The following PLCL2 variants were observed in gnomAD, a reference collection of about 807,000 sequenced individuals.
The protein encoded by PLCL2 is phospholipase C like 2, also known as inactive phospholipase C-like protein 2.
In PLCL2, 4 loss-of-function variants were observed where a neutral mutation model predicts 79.6. The observed-to-expected ratio is 0.05, with a 90% CI of 0.02 to 0.11. The LOEUF (loss-of-function observed/expected upper bound fraction) is 0.11. PLCL2 is among the 10% of genes least tolerant of loss of function. The pLI is 1.00. For synonymous variants in PLCL2, 484 were observed against 457.7 expected (o/e 1.06, Z -0.73); for missense variants, 895 against 1,291.0 (o/e 0.69, Z 4.70).
chr3:17,005,224 G>A (rs1172901356), intron 1 of PLCL2, among the ~76,000 whole-genome samples: 1 of 152,070 alleles, frequency 6.6e-6, no homozygotes, highest in African/African-American at 2.4e-5. Flanking sequence ...CTTCCAGCAG[G>A]GCATTAACTA....
In PLCL2 at chr3:17,041,739, G is replaced by A. The variant is rs572816413; in HGVS notation, c.3019-1135G>A. 1.4e-3 allele frequency among the ~76,000 whole-genome samples: 212 copies of A among 152,174 alleles called. 1 individual carries two copies. The highest frequency in any genetic ancestry group is 5.0e-3 in the African/African-American group (206 of 41,530). ...GGGAAGATCACTTGAGCCTAGGAGT[G>A]TAAGACCAGCCTGGGCAACATAGCA... is the stretch of plus-strand genomic sequence containing the variant. On this transcript the variant is annotated intron_variant, in intron 3 of 5. Transcript: ENST00000615277.
At chr3:17,061,101 A>AAC (rs2064948182) in intron 4 of PLCL2, among the ~76,000 whole-genome samples, 1 of 152,286 alleles carries the variant, frequency 6.6e-6, no homozygotes, top group East Asian at 1.9e-4. Context: ...TACATGCTAT[A>AAC]TTTTATTTTC....
rs187154700 is a variant in PLCL2 at position 16,898,676 on chromosome 3, G to A, written c.327+13310G>A. On this transcript the variant is annotated intron_variant, in intron 1 of 5. Coordinates refer to ENST00000615277, the MANE Select transcript of PLCL2 (RefSeq NM_001144382.2). ...GCCAGACAGTAAAGTAAGACAAGGT[G>A]GAGGATGGCTTAGAAGATACCACCA... Among the ~76,000 whole-genome samples the A allele has an allele frequency of 1.2e-3, 186 of 152,334 alleles. 4 individuals carry two copies. Among genetic ancestry groups the A allele is most frequent in the Admixed American group, 0.011 (162 of 15,306 alleles).
intron 1 of PLCL2, among the ~76,000 whole-genome samples, chr3:16,908,423 G>A (rs1196190877): frequency 6.6e-6 from 1 of 152,222 alleles, no homozygotes; most frequent in African/African-American, 2.4e-5. Context: ...TTAGGGTCCA[G>A]TTAAGATCCC....
intron 1 of PLCL2, among the ~76,000 whole-genome samples, chr3:16,926,108 A>G (rs986418167): frequency 6.6e-6 from 1 of 152,022 alleles, no homozygotes; most frequent in Non-Finnish European, 1.5e-5. Flanking sequence ...TAAAATTATT[A>G]TTTTTTTTGA....
chr3:16,894,801 T>G (rs1275888139), intron 1 of PLCL2, among the ~76,000 whole-genome samples: 1 of 152,104 alleles, frequency 6.6e-6, no homozygotes, highest in Admixed American at 6.5e-5. Context: ...AGTCAGGTTG[T>G]TTTTATTTTN....
chr3:16,963,885 C>T (rs1414163042), intron 1 of PLCL2, among the ~76,000 whole-genome samples: 1 of 151,994 alleles, frequency 6.6e-6, no homozygotes, highest in Non-Finnish European at 1.5e-5. Context: ...AACTACTGAG[C>T]ACAGGCAGGA....
intron 3 of PLCL2, among the ~76,000 whole-genome samples, chr3:17,036,497 C>T (rs554274172): frequency 5.3e-5 from 8 of 152,240 alleles, no homozygotes; most frequent in South Asian, 4.1e-4. Context: ...ATTCTTCACC[C>T]GCACAGTAAT....
intron 1 of PLCL2, among the ~76,000 whole-genome samples, chr3:16,943,094 C>G (rs1042469478): frequency 6.6e-6 from 1 of 152,160 alleles, no homozygotes; most frequent in African/African-American, 2.4e-5. Context: ...CCTTATCTGC[C>G]TCCTCCTTTT....
At chr3:16,982,658 GC>G (rs1433400347) in intron 1 of PLCL2, among the ~76,000 whole-genome samples, 1 of 152,154 alleles carries the variant, frequency 6.6e-6, no homozygotes, top group Non-Finnish European at 1.5e-5. Flanking sequence ...TTCCTTAAGA[GC>G]CCCTTAACAC....
chr3:16,885,288 G>A lies in PLCL2; in HGVS notation c.249G>A (p.Pro83=). Reference sequence around the variant, plus strand: ...GACCCCGCGGCGTTGCGCTCGCCCCGACCCCCAGCGCGGTCGTCTGTACCC... The same window carrying A: ...GACCCCGCGGCGTTGCGCTCGCCCCAACCCCCAGCGCGGTCGTCTGTACCC... The part of the protein sequence containing the change: ...TRGPRGVALA[P]TPSAVVCTLP... Residue 83 remains proline, a synonymous_variant, in exon 1 of 6, where the codon CCG becomes CCA. Transcript: ENST00000615277. The A allele has an allele frequency of 7.6e-6, 5 of 659,248 alleles. 1 individual carries two copies. The highest frequency in any genetic ancestry group is 3.1e-5 in the South Asian group (2 of 63,580). 40.8% of individuals were successfully genotyped at this position (659,248 alleles called of 1,614,324 possible). A position where few individuals can be genotyped will look rare whatever the true frequency, so the allele number is the denominator to read the frequency against.
intron 1 of PLCL2, among the ~76,000 whole-genome samples, chr3:16,993,801 C>T (rs1243592228): frequency 6.6e-6 from 1 of 152,206 alleles, no homozygotes; most frequent in Non-Finnish European, 1.5e-5. Flanking sequence ...CCAGTTCCAA[C>T]TCTCAAAACT....
chr3:16,996,097 C>T (rs1455594088), intron 1 of PLCL2, among the ~76,000 whole-genome samples: 1 of 152,164 alleles, frequency 6.6e-6, no homozygotes, highest in Non-Finnish European at 1.5e-5. Flanking sequence ...AGATATCCTA[C>T]TCTGGGAAGC....
chr3:17,054,664 T>C (rs754310027), intron 4 of PLCL2, among the ~76,000 whole-genome samples: 3 of 152,082 alleles, frequency 2.0e-5, no homozygotes, highest in Admixed American at 6.6e-5. Flanking sequence ...GGGATGGTGC[T>C]AAACCATTTA....
intron 1 of PLCL2, among the ~76,000 whole-genome samples, chr3:16,992,525 G>C (rs994990137): frequency 6.6e-6 from 1 of 152,238 alleles, no homozygotes; most frequent in Non-Finnish European, 1.5e-5. Flanking sequence ...GAAGGCCAGA[G>C]TGTGGGAGAG....
chr3:16,962,229 T>C lies in PLCL2; in HGVS notation c.328-47445T>C, dbSNP rs1349069456. The stretch of plus-strand genomic sequence containing the variant: ...AGGTTATTTTAAAAAAGATTTATTT[T>C]GAAAGGGGATGATCAGTTGATTTAG... On this transcript the variant is annotated intron_variant, in intron 1 of 5. Coordinates refer to ENST00000615277, the MANE Select transcript of PLCL2 (RefSeq NM_001144382.2). Among the ~76,000 whole-genome samples the C allele has an allele frequency of 2.0e-5, 3 of 152,306 alleles. No homozygotes were observed. In the South Asian group the frequency reaches 6.2e-4, roughly 32 times the overall value.
rs868795372 is a variant in PLCL2 at position 17,042,930 on chromosome 3, C to T, written c.3075C>T (p.Ile1025=). The T allele has an allele frequency of 6.2e-6, 10 of 1,610,232 alleles. No homozygotes were observed. Among genetic ancestry groups the T allele is most frequent in the East Asian group, 2.2e-5 (1 of 44,842 alleles). The change falls in exon 4 of 6, where the codon ATC becomes ATT. Residue 1025 remains isoleucine, a synonymous_variant. Transcript: ENST00000615277. The part of the protein sequence containing the change: ...IENADAVYEK[I]VHCQKAAMEF... ...ATGCAGATGCTGTATATGAAAAGAT[C>T]GTACATTGTCAGAAGGCAGGTAAGT...
chr3:16,987,173 C>A (rs1426212612), intron 1 of PLCL2, among the ~76,000 whole-genome samples: 1 of 151,994 alleles, frequency 6.6e-6, no homozygotes, highest in East Asian at 1.9e-4. Flanking sequence ...AACTGAGTAG[C>A]CTGAGGTCAT....
At chr3:16,983,443 C>T (rs1038834491) in intron 1 of PLCL2, among the ~76,000 whole-genome samples, 17 of 152,108 alleles carry the variant, frequency 1.1e-4, no homozygotes, top group African/African-American at 2.4e-4. Flanking sequence ...CCGAGGCGGG[C>T]GGATCACCTG....
Sources: gnomAD v4.1 joint callset for allele counts (sites outside exome capture counted in the v4.1 genomes callset) on GRCh38, gnomAD v4.1.1 for gene constraint, MANE v1.5 for transcripts, NCBI Gene and HGNC (gene_info 2026-07-23, HGNC 2026-07-21) for gene names.